The following CLVS1 variants were observed in gnomAD, a reference collection of about 807,000 sequenced individuals.
CLVS1 encodes clavesin-1.
CLVS1 carries 10 observed loss-of-function variants against 33.1 expected under a neutral mutation model. The ratio of observed to expected loss-of-function variants is 0.30; its 90% CI spans 0.19 to 0.51. The LOEUF (loss-of-function observed/expected upper bound fraction) is 0.51. Among genes scored for constraint, CLVS1 ranks in the 20% least tolerant of loss-of-function variants. The probability of loss-of-function intolerance (pLI) is 0.97; values close to 1 mark genes in which losing one functional copy is unlikely to be tolerated. For synonymous variants in CLVS1, 163 were observed against 166.1 expected (o/e 0.98, Z 0.14); for missense variants, 343 against 433.4 (o/e 0.79, Z 1.85).
At chr8:61,450,954 C>T (rs1361246154) in intron 3 of CLVS1, among the ~76,000 whole-genome samples, 2 of 152,198 alleles carry the variant, frequency 1.3e-5, no homozygotes, top group Non-Finnish European at 2.9e-5. Context: ...CTTTCGGAGC[C>T]AGCTTTAAGA....
At chr8:61,493,053 GC>G (rs2129608701) in intron 5 of CLVS1, among the ~76,000 whole-genome samples, 1 of 152,258 alleles carries the variant, frequency 6.6e-6, no homozygotes, top group South Asian at 2.1e-4. Context: ...TTGCACTGAA[GC>G]TACATAAATA....
chr8:61,074,423 A>G (rs183223785), intron 1 of CLVS1, among the ~76,000 whole-genome samples: 3,196 of 138,650 alleles, frequency 0.023, 78 homozygotes, highest in Non-Finnish European at 0.035. Flanking sequence ...GTATATGTGT[A>G]TATATATATG....
At chr8:61,474,674 G>A (rs1817848598) in intron 5 of CLVS1, among the ~76,000 whole-genome samples, 1 of 152,174 alleles carries the variant, frequency 6.6e-6, no homozygotes, top group Non-Finnish European at 1.5e-5. Flanking sequence ...CCTGAGTGGA[G>A]GAAGTTGTTG....
chr8:61,120,726 C>A (rs1256931269), intron 1 of CLVS1, among the ~76,000 whole-genome samples: 5 of 142,748 alleles, frequency 3.5e-5, no homozygotes, highest in South Asian at 4.8e-4. Flanking sequence ...GGCAGTCTGC[C>A]CGTTCTCAGA....
At chr8:61,083,370 C>T (rs1163222392) in intron 1 of CLVS1, among the ~76,000 whole-genome samples, 1 of 152,064 alleles carries the variant, frequency 6.6e-6, no homozygotes, top group Non-Finnish European at 1.5e-5. Context: ...GCCAGTGGGC[C>T]GCCTGGGAAA....
At chr8:61,106,751 G>A (rs1328973769) in intron 1 of CLVS1, among the ~76,000 whole-genome samples, 1 of 152,096 alleles carries the variant, frequency 6.6e-6, no homozygotes, top group African/African-American at 2.4e-5. Context: ...AAATTTTACT[G>A]GGTAAACTCC....
At chr8:61,193,283 C>G (rs373879008) in intron 2 of CLVS1, among the ~76,000 whole-genome samples, 1 of 152,222 alleles carries the variant, frequency 6.6e-6, no homozygotes, top group South Asian at 2.1e-4. Flanking sequence ...AAAATCCAAA[C>G]ACCACATGTT....
chr8:61,332,997 A>G (rs569942819), intron 2 of CLVS1, among the ~76,000 whole-genome samples: 23 of 152,196 alleles, frequency 1.5e-4, no homozygotes, highest in Non-Finnish European at 2.4e-4. Flanking sequence ...ACCTTTATTT[A>G]GTTTCGTTCA....
At chr8:61,417,988 T>G (rs977548434) in intron 3 of CLVS1, among the ~76,000 whole-genome samples, 1 of 152,176 alleles carries the variant, frequency 6.6e-6, no homozygotes, top group Non-Finnish European at 1.5e-5. Context: ...CTGCCCTAAA[T>G]CCTAATAAGT....
At chr8:61,210,467 C>T (rs1807948737) in intron 2 of CLVS1, among the ~76,000 whole-genome samples, 1 of 152,192 alleles carries the variant, frequency 6.6e-6, no homozygotes, top group South Asian at 2.1e-4. Flanking sequence ...GACTTCCCTG[C>T]TGCCTTTAAA....
intron 5 of CLVS1, among the ~76,000 whole-genome samples, chr8:61,469,317 C>T (rs1817660168): frequency 6.6e-6 from 1 of 152,192 alleles, no homozygotes; most frequent in Non-Finnish European, 1.5e-5. Flanking sequence ...AGACCTACTT[C>T]TGATTCTTAT....
intron 1 of CLVS1, among the ~76,000 whole-genome samples, chr8:61,089,703 G>A (rs553096275): frequency 1.8e-4 from 27 of 152,262 alleles, no homozygotes; most frequent in African/African-American, 6.5e-4. Context: ...AGAAATGCTT[G>A]AGGCCAGTGG....
At chr8:61,139,391 T>A (rs533086267) in intron 2 of CLVS1, among the ~76,000 whole-genome samples, 96 of 152,354 alleles carry the variant, frequency 6.3e-4, no homozygotes, top group Non-Finnish European at 1.2e-3. Context: ...AACAATTCTG[T>A]TCGGCAGAAT....
At chr8:61,242,942 T>C (rs1018739707) in intron 2 of CLVS1, among the ~76,000 whole-genome samples, 1 of 148,918 alleles carries the variant, frequency 6.7e-6, no homozygotes, top group South Asian at 2.1e-4. Flanking sequence ...CTGATAACAC[T>C]AGTCTAGTTC....
At chr8:61,058,244 G>A (rs1273455653) in intron 1 of CLVS1, among the ~76,000 whole-genome samples, 1 of 152,088 alleles carries the variant, frequency 6.6e-6, no homozygotes, top group Non-Finnish European at 1.5e-5. Context: ...TTATTGAGGG[G>A]GTTTGATGGG....
intron 1 of CLVS1, among the ~76,000 whole-genome samples, chr8:61,075,026 C>T (rs957681604): frequency 3.9e-5 from 6 of 152,044 alleles, no homozygotes; most frequent in Admixed American, 6.6e-5. Context: ...GTTGTTCAGG[C>T]GGGCATACAC....
intron 1 of CLVS1, among the ~76,000 whole-genome samples, chr8:61,070,031 G>T (rs968743653): frequency 6.6e-6 from 1 of 152,114 alleles, no homozygotes; most frequent in Non-Finnish European, 1.5e-5. Flanking sequence ...GACTTCCTGT[G>T]ATCCACCCGC....
chr8:61,275,778 C>T (rs546816064), intron 2 of CLVS1, among the ~76,000 whole-genome samples: 5 of 152,150 alleles, frequency 3.3e-5, no homozygotes. Context: ...AAGGTCTTAC[C>T]TTTACAATGC....
chr8:61,252,037 T>C (rs1808960711), intron 2 of CLVS1, among the ~76,000 whole-genome samples: 1 of 152,226 alleles, frequency 6.6e-6, no homozygotes, highest in Non-Finnish European at 1.5e-5. Flanking sequence ...CTTGCCTGCT[T>C]TCTCTTGTGG....
Sources: gnomAD v4.1 joint callset for allele counts (sites outside exome capture counted in the v4.1 genomes callset) on GRCh38, gnomAD v4.1.1 for gene constraint, MANE v1.5 for transcripts, NCBI Gene and HGNC (gene_info 2026-07-23, HGNC 2026-07-21) for gene names.